Variants in PXMP2 observed in about 807,000 individuals in gnomAD.
PXMP2 encodes 22 kDa peroxisomal membrane protein.
In PXMP2, 13 loss-of-function variants were observed where a neutral mutation model predicts 20.2. The ratio of observed to expected loss-of-function variants is 0.64; its 90% CI spans 0.42 to 1.02. The LOEUF is 1.02. Among genes scored for constraint, PXMP2 ranks in the 50% least tolerant of loss-of-function variants. PXMP2 has a pLI of 0.00. For missense variants in PXMP2, 284 were observed against 251.8 expected, an observed-to-expected ratio of 1.13 and a Z score of -0.87; for synonymous variants, 113 against 111.2, an observed-to-expected ratio of 1.02 and a Z score of -0.10.
chr12:132,691,976 G>C (rs1333513165), intron 2 of PXMP2, among the ~76,000 whole-genome samples: 2 of 152,182 alleles, frequency 1.3e-5, no homozygotes, highest in African/African-American at 4.8e-5. Flanking sequence ...CAGTTAGTTA[G>C]TGAGCTCCCT....
At position 132,689,150 on chromosome 12, in the gene PXMP2, G is replaced by C. The variant is rs373253528; in HGVS notation, c.123-1113G>C. On this transcript the variant is annotated intron_variant, in intron 1 of 4. Transcript: ENST00000317479. Reference sequence around the variant, plus strand: ...GGTCTGCGGGGCGCGGGTGAAGACAGGGCGAGGGGAGCGGGTCTGCGGGGC... The same window carrying C: ...GGTCTGCGGGGCGCGGGTGAAGACACGGCGAGGGGAGCGGGTCTGCGGGGC... Among the ~76,000 whole-genome samples the C allele has an allele frequency of 6.7e-3, 881 of 131,468 alleles. 14 individuals carry two copies. The highest frequency in any genetic ancestry group is 0.024 in the African/African-American group (811 of 33,714). The allele number at this position is 131,468 out of a possible 152,430, so 86.2% of individuals were successfully genotyped here.
intron 2 of PXMP2, among the ~76,000 whole-genome samples, chr12:132,691,292 C>T (rs2043365673): frequency 1.3e-5 from 2 of 152,104 alleles, no homozygotes; most frequent in Admixed American, 6.5e-5. Context: ...TCGTGATCCG[C>T]CCACCTTGGC....
At position 132,701,349 on chromosome 12, in the gene PXMP2, A is replaced by C; in HGVS notation, c.499A>C (p.Ile167Leu). The C allele has an allele frequency of 6.2e-7, 1 of 1,613,096 alleles. No homozygotes were observed. The highest frequency in any genetic ancestry group is 8.5e-7 in the Non-Finnish European group (1 of 1,179,818). The change falls in exon 4 of 5, where the codon ATC becomes CTC. Residue 167 changes from isoleucine (I) to leucine (L), a missense_variant. By Grantham distance (5) the Ile-to-Leu change is conservative. Coordinates refer to ENST00000317479, the MANE Select transcript of PXMP2 (RefSeq NM_018663.3). ...GTGGACGCCACTACAGTTCATCAAC[A>C]TCAACTACGTCCCTCTGAAGGTGAG... The part of the protein sequence containing the change: ...RVWTPLQFIN[I>L]NYVPLKFRVL...
intron 1 of PXMP2, 126 bp downstream of exon 1, chr12:132,687,918 G>A (rs1565987676): frequency 1.1e-6 from 1 of 950,050 alleles, no homozygotes; most frequent in East Asian, 6.3e-5. Context: ...CCCCCGGAGC[G>A]GGCGCCCTCC....
At chr12:132,692,669 A>AGCCAGTTAGTTAGTGAGCGCCCTT (rs1565990621) in intron 2 of PXMP2, among the ~76,000 whole-genome samples, 6 of 66,198 alleles carry the variant, frequency 9.1e-5, no homozygotes, top group Non-Finnish European at 1.7e-4. Flanking sequence ...GAGCGCCCTT[A>AGCCAGTTAGTTAGTGAGCGCCCTT]GCCAGTTAGT....
Position 132,695,902 on chromosome 12 carries a change from G to A in PXMP2, c.255G>A (p.Pro85=), listed in dbSNP as rs747729248. 2.3e-5 allele frequency: 37 copies of A among 1,606,434 alleles called. No homozygotes were observed. The highest frequency in any genetic ancestry group is 6.7e-5 in the East Asian group (3 of 44,582). ...GCCTCAGGTTCTTCTTCACAGGGCCGCTGAGTCACTTCTTCTACTTCTTCA... is the reference window on the plus strand; with the variant it reads ...GCCTCAGGTTCTTCTTCACAGGGCCACTGAGTCACTTCTTCTACTTCTTCA... ...YAVYGFFFTG[P]LSHFFYFFME... Residue 85 remains proline, a synonymous_variant, in exon 3 of 5, where the codon CCG becomes CCA. Transcript: ENST00000317479.
At chr12:132,700,863 T>TTC (rs2043435448) in intron 3 of PXMP2, among the ~76,000 whole-genome samples, 1 of 151,616 alleles carries the variant, frequency 6.6e-6, no homozygotes, top group African/African-American at 2.4e-5. Flanking sequence ...TTTTTTTTTT[T>TTC]CATAACTCCT....
Position 132,696,742 on chromosome 12 carries a change from G to A in PXMP2, c.399+696G>A, listed in dbSNP as rs375277669. Among the ~76,000 whole-genome samples the A allele has an allele frequency of 6.6e-6, 1 of 152,184 alleles. No homozygotes were observed. Among genetic ancestry groups the A allele is most frequent in the African/African-American group, 2.4e-5 (1 of 41,444 alleles). On this transcript the variant is annotated intron_variant, in intron 3 of 4. Coordinates refer to ENST00000317479, the MANE Select transcript of PXMP2 (RefSeq NM_018663.3). This position sits in a 1 kb window ranked among gnomAD's most constrained non-coding sequence, Gnocchi z 4.4. ...GTGAACCCGGGAGGTGGAGCTTGCC[G>A]TGAGCCGAGATGTCGCCACTGCACT... is the stretch of plus-strand genomic sequence containing the variant.
intron 1 of PXMP2, among the ~76,000 whole-genome samples, chr12:132,689,616 C>T (rs557247174): frequency 4.8e-4 from 73 of 152,244 alleles, no homozygotes; most frequent in African/African-American, 1.7e-3. Context: ...ATTTTATAGT[C>T]CAGAGAGCTT....
At chr12:132,701,405 C>CT in intron 4 of PXMP2, 36 bp downstream of exon 4, 1 of 1,606,184 alleles carries the variant, frequency 6.2e-7, no homozygotes, top group Non-Finnish European at 8.5e-7. Context: ...GCTAACATTA[C>CT]TTTGTCAGCC....
At chr12:132,698,485 C>G (rs1177008180) in intron 3 of PXMP2, among the ~76,000 whole-genome samples, 1 of 152,156 alleles carries the variant, frequency 6.6e-6, no homozygotes, top group East Asian at 1.9e-4. Flanking sequence ...TACTTGTGTA[C>G]AGTAGGAGAT....
intron 1 of PXMP2, 196 bp downstream of exon 1, chr12:132,687,988 C>T (rs971564797): frequency 4.9e-6 from 2 of 411,408 alleles, no homozygotes; most frequent in Non-Finnish European, 6.9e-6. Flanking sequence ...TTGTGAGGCG[C>T]CTTGCGGATC....
rs1440047599 is a variant in PXMP2 at position 132,692,720 on chromosome 12, CAGTT to C, written c.236+2352_236+2355del. On this transcript the variant is annotated intron_variant, in intron 2 of 4. Coordinates refer to ENST00000317479, the MANE Select transcript of PXMP2 (RefSeq NM_018663.3). The stretch of plus-strand genomic sequence containing the variant: ...CCAGTTAGTTAGTGAGCACCCTTGC[CAGTT>C]AGTTAGTGAGCTCCCTTAGCCAGTT... Among the ~76,000 whole-genome samples the C allele has an allele frequency of 3.8e-5, 5 of 131,914 alleles. No homozygotes were observed. The East Asian group carries it at 9.4e-4, about 25-fold the overall frequency. The allele number at this position is 131,914 out of a possible 152,430, so 86.5% of individuals were successfully genotyped here.
chr12:132,692,304 GTTAA>G (rs1209043704), intron 2 of PXMP2, among the ~76,000 whole-genome samples: 4 of 140,842 alleles, frequency 2.8e-5, no homozygotes, highest in East Asian at 4.3e-4. Flanking sequence ...TCCCTTGCCA[GTTAA>G]TTAGTGAGCT....
chr12:132,698,447 C>T (rs550929917), intron 3 of PXMP2, among the ~76,000 whole-genome samples: 2 of 152,350 alleles, frequency 1.3e-5, no homozygotes, highest in African/African-American at 4.8e-5. Flanking sequence ...ATATTCTCCT[C>T]TGCTTTCCTC....
intron 2 of PXMP2, among the ~76,000 whole-genome samples, chr12:132,691,905 CAG>C (rs1236276240): frequency 2.8e-4 from 43 of 152,390 alleles, no homozygotes; most frequent in African/African-American, 8.2e-4. Flanking sequence ...CCCAAACACA[CAG>C]GGGAATGATT....
chr12:132,696,178 A>G lies in PXMP2; in HGVS notation c.399+132A>G. 4 of 1,061,178 alleles carry G rather than the reference A, an allele frequency of 3.8e-6. No homozygotes were observed. The highest frequency in any genetic ancestry group is 5.3e-6 in the Non-Finnish European group (4 of 756,678). 65.7% of individuals were successfully genotyped at this position (1,061,178 alleles called of 1,614,324 possible). A position where few individuals can be genotyped will look rare whatever the true frequency, so the allele number is the denominator to read the frequency against. On this transcript the variant is annotated intron_variant, in intron 3 of 4. Transcript: ENST00000317479. The surrounding 1 kb of genome is among the most constrained non-coding windows in gnomAD (Gnocchi z 4.4). The stretch of plus-strand genomic sequence containing the variant: ...TGAAATTTTGCATTTTCTTTTATGA[A>G]TATAGGAAGCAAACATCTAGTATTG...
intron 2 of PXMP2, among the ~76,000 whole-genome samples, 200 bp from the exon 3 acceptor site, chr12:132,695,684 A>G (rs1454036011): frequency 6.6e-6 from 1 of 152,224 alleles, no homozygotes; most frequent in Non-Finnish European, 1.5e-5. Flanking sequence ...CAGAGAGTCA[A>G]CGGCAGGAGC....
chr12:132,703,088 G>T (rs1393070192), intron 4 of PXMP2, among the ~76,000 whole-genome samples: 2 of 152,194 alleles, frequency 1.3e-5, no homozygotes, highest in Non-Finnish European at 2.9e-5. Context: ...AGATTGCCTT[G>T]AAGAGTGGGT....
Sources: allele counts gnomAD v4.1 joint callset (sites outside exome capture counted in the v4.1 genomes callset), GRCh38; gene constraint gnomAD v4.1.1; non-coding constraint Gnocchi (gnomAD v3.1); transcripts MANE v1.5; gene names NCBI Gene and HGNC (gene_info 2026-07-23, HGNC 2026-07-21).